The following ZNF217 variants were observed in gnomAD, a reference collection of about 807,000 sequenced individuals.
ZNF217 encodes zinc finger protein 217.
In ZNF217, 12 loss-of-function variants were observed where a neutral mutation model predicts 73.3. The observed-to-expected ratio is 0.16, with a 90% confidence interval of 0.10 to 0.27. The LOEUF (loss-of-function observed/expected upper bound fraction) is 0.27. Ranked by LOEUF, ZNF217 falls within the 10% of genes least tolerant of loss-of-function variation. The probability of loss-of-function intolerance (pLI) is 1.00; values close to 1 mark genes in which losing one functional copy is unlikely to be tolerated. For missense variants in ZNF217, 1,195 were observed against 1,327.8 expected (o/e 0.90, Z 1.55); for synonymous variants, 588 against 516.4 (o/e 1.14, Z -1.88).
In ZNF217 at chr20:53,576,036, C is replaced by T; in HGVS notation, c.2728G>A (p.Ala910Thr). Residue 910 changes from alanine to threonine, a missense_variant, in exon 4 of 6, where the codon GCA becomes ACA. By Grantham distance (58) the Ala-to-Thr change is moderately conservative. Coordinates refer to ENST00000371471, the MANE Select transcript of ZNF217 (RefSeq NM_006526.3). ...TTTGGAAGGGGCTCACCAAATTCTG[C>T]TGCAGTATTGCTGGCACTCCGATTA... ...FCNRSASNTAAEFGEPLPKRL... is the reference protein window; with the variant it reads ...FCNRSASNTATEFGEPLPKRL... 1 of 1,614,226 alleles carries T rather than the reference C, an allele frequency of 6.2e-7. No individual in the cohort carries two copies. The highest frequency in any genetic ancestry group is 8.5e-7 in the Non-Finnish European group (1 of 1,180,040).
chr20:53,589,996 C>T (rs1988826270), intron 1 of ZNF217, among the ~76,000 whole-genome samples: 1 of 150,364 alleles, frequency 6.7e-6, no homozygotes, highest in Admixed American at 6.7e-5. Context: ...CAAACCCTTC[C>T]CTCTTTAGAA....
chr20:53,576,637 A>T lies in ZNF217; in HGVS notation c.2127T>A (p.Ser709Arg). The T allele has an allele frequency of 6.2e-7, 1 of 1,614,222 alleles. No homozygotes were observed. The highest frequency in any genetic ancestry group is 8.5e-7 in the Non-Finnish European group (1 of 1,180,042). ...TGAAGGTACAAAATGGACAGGTGAT[A>T]CTTGGAATCAAACTTTTACTCAAAG... ...AISLSKSLIPSITCPFCTFKT... is the reference protein window; with the variant it reads ...AISLSKSLIPRITCPFCTFKT... Residue 709 changes from serine (S) to arginine (R), a missense_variant, in exon 4 of 6, where the codon AGT (serine) becomes AGA (arginine). By Grantham distance (110) the Ser-to-Arg change is moderately radical. Around this residue, in one of 9 missense-constraint regions of ZNF217, gnomAD observed 649 missense variants for 642.8 expected, o/e 1.01. Coordinates refer to ENST00000371471, the MANE Select transcript of ZNF217 (RefSeq NM_006526.3).
At position 53,587,614 on chromosome 20, in the gene ZNF217, T is replaced by C. The variant is rs534055191; in HGVS notation, c.-342-4446A>G. ...CAGAAAAATTATATTTATACACAATTTGTCATACTGCTAACAAAGCTACTT... is the reference window on the plus strand; with the variant it reads ...CAGAAAAATTATATTTATACACAATCTGTCATACTGCTAACAAAGCTACTT... On this transcript the variant is annotated intron_variant, in intron 1 of 5. Transcript: ENST00000371471. 9.2e-5 allele frequency among the ~76,000 whole-genome samples: 14 copies of C among 152,164 alleles called. No individual in the cohort carries two copies. The South Asian group carries it at 2.7e-3, about 29-fold the overall frequency.
At position 53,589,232 on chromosome 20, in the gene ZNF217, A is replaced by C. The variant is rs1364240634; in HGVS notation, c.-343+4524T>G. Among the ~76,000 whole-genome samples the C allele has an allele frequency of 1.3e-5, 2 of 152,228 alleles. 1 individual carries two copies. The highest frequency in any genetic ancestry group is 2.9e-5 in the Non-Finnish European group (2 of 68,030). On this transcript the variant is annotated intron_variant, in intron 1 of 5. Transcript: ENST00000371471. Reference sequence around the variant, plus strand: ...AAGTACAGTCATGTGGAGGTCAGAAACAAGTTTTGTAAAGCTTAATAAGAA... The same window carrying C: ...AAGTACAGTCATGTGGAGGTCAGAACCAAGTTTTGTAAAGCTTAATAAGAA...
chr20:53,571,784 A>G lies in ZNF217; in HGVS notation c.3107T>C (p.Ile1036Thr), dbSNP rs1988021659. ...ATTTGGTCGATAATGTGCATTCCCA[A>G]TAAAATTCTCATAGTTTCTCTTTTG... ...MAQKRNYENF[I>T]GNAHYRPNDK... is the part of the protein sequence containing the mutation. Residue 1036 changes from isoleucine to threonine, a missense_variant, in exon 5 of 6, where the codon ATT (isoleucine) becomes ACT (threonine). Physicochemically the swap from Ile to Thr is moderately conservative, Grantham distance 89. Around this residue, in one of 9 missense-constraint regions of ZNF217, gnomAD observed 649 missense variants for 642.8 expected, o/e 1.01. Transcript: ENST00000371471. 2 of 1,613,618 alleles carry G rather than the reference A, an allele frequency of 1.2e-6. No individual in the cohort carries two copies. Among genetic ancestry groups the G allele is most frequent in the African/African-American group, 1.3e-5 (1 of 74,858 alleles).
chr20:53,592,384 G>A (rs1288122190), intron 1 of ZNF217, among the ~76,000 whole-genome samples: 1 of 138,552 alleles, frequency 7.2e-6, no homozygotes, highest in African/African-American at 2.8e-5. Context: ...CTTTTCTGGG[G>A]GGTGGGGGGA....
chr20:53,583,693 T>A (rs1485115471), intron 1 of ZNF217, among the ~76,000 whole-genome samples: 1 of 152,236 alleles, frequency 6.6e-6, no homozygotes, highest in East Asian at 1.9e-4. Context: ...ATTTTGCACA[T>A]ACAGAGGTCA....
chr20:53,581,764 G>C lies in ZNF217; in HGVS notation c.1063C>G (p.His355Asp), dbSNP rs2145957143. Residue 355 changes from histidine (H) to aspartate (D), a missense_variant, in exon 2 of 6, where the codon CAC becomes GAC. Coordinates refer to ENST00000371471, the MANE Select transcript of ZNF217 (RefSeq NM_006526.3). The surrounding 1 kb of genome is among the most constrained non-coding windows in gnomAD (Gnocchi z 4.9). ...SQEKEKCKHS[H>D]GEAPSVDADP... ...GCGTCCACGGAGGGCGCTTCGCCGT[G>C]GGAGTGTTTGCACTTCTCTTTCTCT... The C allele has an allele frequency of 6.2e-7, 1 of 1,614,212 alleles. No homozygotes were observed. Among genetic ancestry groups the C allele is most frequent in the East Asian group, 2.2e-5 (1 of 44,882 alleles).
At position 53,576,165 on chromosome 20, in the gene ZNF217, C is replaced by A. The variant is rs748737950; in HGVS notation, c.2599G>T (p.Ala867Ser). Reference sequence around the variant, plus strand: ...CTGCCGAGGGTGGGCTGAGAAGGAGCTACTGGAAGAGGTTTCAATTTTGTC... The same window carrying A: ...CTGCCGAGGGTGGGCTGAGAAGGAGATACTGGAAGAGGTTTCAATTTTGTC... The part of the protein sequence containing the change: ...PETKLKPLPV[A>S]PSQPTLGSSN... The change falls in exon 4 of 6, where the codon GCT becomes TCT. Residue 867 changes from alanine (A) to serine (S), a missense_variant. Physicochemically the swap from Ala to Ser is moderately conservative, Grantham distance 99 (BLOSUM62 1). This residue lies in a region of ZNF217 where 649 missense variants were observed against 642.8 expected (regional missense o/e 1.01). Coordinates refer to ENST00000371471, the MANE Select transcript of ZNF217 (RefSeq NM_006526.3). 6.2e-7 allele frequency: 1 copy of A among 1,614,192 alleles called. No homozygotes were observed. Among genetic ancestry groups the A allele is most frequent in the Non-Finnish European group, 8.5e-7 (1 of 1,180,042 alleles).
chr20:53,587,877 G>T (rs1174025904), intron 1 of ZNF217, among the ~76,000 whole-genome samples: 1 of 150,002 alleles, frequency 6.7e-6, no homozygotes, highest in Non-Finnish European at 1.5e-5. Flanking sequence ...AAAGCTACAG[G>T]TTTTTTTATT....
intron 1 of ZNF217, among the ~76,000 whole-genome samples, chr20:53,585,881 T>A (rs1988677439): frequency 6.6e-6 from 1 of 152,110 alleles, no homozygotes; most frequent in South Asian, 2.1e-4. Context: ...GAAACCCTCC[T>A]GGCAAAACAG....
rs1298025583 is a variant in ZNF217 at position 53,581,122 on chromosome 20, C to T, written c.1366+339G>A. Among the ~76,000 whole-genome samples, 8 of 152,162 alleles carry T rather than the reference C, an allele frequency of 5.3e-5. No homozygotes were observed. The East Asian group carries it at 1.4e-3, about 26-fold the overall frequency. On this transcript the variant is annotated intron_variant, in intron 2 of 5. Coordinates refer to ENST00000371471, the MANE Select transcript of ZNF217 (RefSeq NM_006526.3). The surrounding 1 kb of genome is among the most constrained non-coding windows in gnomAD (Gnocchi z 4.9). Reference sequence around the variant, plus strand: ...CAGATACTGATTGGGAACAAAATCGCCCCAGTTAAGAAGCAGTGCATTTGG... The same window carrying T: ...CAGATACTGATTGGGAACAAAATCGTCCCAGTTAAGAAGCAGTGCATTTGG...
rs749346630 is a variant in ZNF217, at chr20:53,581,956, C to T, written c.871G>A (p.Asp291Asn). 6.2e-7 allele frequency: 1 copy of T among 1,614,174 alleles called. No individual in the cohort carries two copies. Among genetic ancestry groups the T allele is most frequent in the Non-Finnish European group, 8.5e-7 (1 of 1,180,036 alleles). ...KKPVRCIPQLDPFTTFQAWQL... is the reference protein window; with the variant it reads ...KKPVRCIPQLNPFTTFQAWQL... ...CAAGCCTGGAAGGTGGTGAACGGAT[C>T]GAGCTGAGGGATGCATCTGACAGGC... The change falls in exon 2 of 6, where the codon GAT becomes AAT. Residue 291 changes from aspartate to asparagine, a missense_variant. Asp to Asn is a conservative substitution (Grantham distance 23). Transcript: ENST00000371471. This position sits in a 1 kb window ranked among gnomAD's most constrained non-coding sequence, Gnocchi z 4.9.
chr20:53,571,653 C>T lies in ZNF217; in HGVS notation c.*23+68G>A, dbSNP rs965842020. 36 of 1,517,956 alleles carry T rather than the reference C, an allele frequency of 2.4e-5. 1 individual carries two copies. The South Asian group carries it at 2.6e-4, about 11-fold the overall frequency. The allele number at this position is 1,517,956 out of a possible 1,614,324, so 94.0% of individuals were successfully genotyped here. A position where few individuals can be genotyped will look rare whatever the true frequency, so the allele number is the denominator to read the frequency against. On this transcript the variant is annotated intron_variant, in intron 5 of 5. Transcript: ENST00000371471. ...AATGCTCGATCTCAGGTGATCCGCCCGCCCTGACCTCCCAAATGGCCACCG... is the reference window on the plus strand; with the variant it reads ...AATGCTCGATCTCAGGTGATCCGCCTGCCCTGACCTCCCAAATGGCCACCG...
At chr20:53,574,202 T>C (rs1988142472) in intron 4 of ZNF217, among the ~76,000 whole-genome samples, 2 of 152,348 alleles carry the variant, frequency 1.3e-5, no homozygotes, top group East Asian at 1.9e-4. Flanking sequence ...TCAGTACAGA[T>C]GCGACCATCC....
chr20:53,582,176 G>C lies in ZNF217; in HGVS notation c.651C>G (p.Ile217Met), dbSNP rs187569795. ...AAESISSPYK[I>M]CMVCGFLFPN... ...GAAATAGGAAGCCACAAACCATGCA[G>C]ATTTTGTAAGGAGAGGAGATGCTCT... is the stretch of plus-strand genomic sequence containing the variant. The change falls in exon 2 of 6, where the codon ATC becomes ATG. Residue 217 changes from isoleucine to methionine, a missense_variant. Physicochemically the swap from Ile to Met is conservative, Grantham distance 10. Around this residue, in one of 9 missense-constraint regions of ZNF217, gnomAD observed 126 missense variants for 114.4 expected, o/e 1.10. Transcript: ENST00000371471. The surrounding 1 kb of genome is among the most constrained non-coding windows in gnomAD (Gnocchi z 4.8). 7 of 1,614,140 alleles carry C rather than the reference G, an allele frequency of 4.3e-6. No individual in the cohort carries two copies. The East Asian group carries it at 1.3e-4, about 31-fold the overall frequency.
chr20:53,579,555 G>A (rs888246305), intron 2 of ZNF217, among the ~76,000 whole-genome samples: 4 of 152,190 alleles, frequency 2.6e-5, no homozygotes, highest in Non-Finnish European at 4.4e-5. Context: ...ATAACTGGGC[G>A]TTGTTGCAAT....
intron 3 of ZNF217, among the ~76,000 whole-genome samples, chr20:53,577,611 G>A (rs571192120): frequency 6.6e-6 from 1 of 152,322 alleles, no homozygotes; most frequent in East Asian, 1.9e-4. Context: ...TGCACAGATA[G>A]TAAGTGGAAG....
intron 1 of ZNF217, among the ~76,000 whole-genome samples, chr20:53,585,430 C>A (rs1234725211): frequency 6.6e-6 from 1 of 152,108 alleles, no homozygotes; most frequent in Non-Finnish European, 1.5e-5. Context: ...CATGGTAATA[C>A]ACACCTGTAA....
Sources: gnomAD v4.1 joint callset for allele counts (sites outside exome capture counted in the v4.1 genomes callset) on GRCh38, gnomAD v4.1.1 for gene constraint, gnomAD v4.1.1 regional missense constraint, Gnocchi (gnomAD v3.1) non-coding constraint, MANE v1.5 for transcripts, NCBI Gene and HGNC (gene_info 2026-07-23, HGNC 2026-07-21) for gene names.